KLHL29: variants seen among roughly 807,000 people sequenced by gnomAD.
KLHL29 encodes kelch-like protein 29.
KLHL29 carries 21 observed loss-of-function variants against 80.4 expected under a neutral mutation model. The observed-to-expected ratio is 0.26, with a 90% confidence interval of 0.19 to 0.38. The LOEUF (loss-of-function observed/expected upper bound fraction) is 0.38, where lower values mean the gene tolerates loss of function less well. Ranked by LOEUF, KLHL29 falls within the 10% of genes least tolerant of loss-of-function variation. The pLI is 1.00. For synonymous variants in KLHL29, 511 were observed against 526.8 expected (o/e 0.97, Z 0.41); for missense variants, 867 against 1,223.9 (o/e 0.71, Z 4.35).
chr2:23,569,881 C>T (rs367869588), intron 3 of KLHL29, among the ~76,000 whole-genome samples: 1 of 152,180 alleles, frequency 6.6e-6, no homozygotes, highest in Non-Finnish European at 1.5e-5. Flanking sequence ...ATGGTACGGC[C>T]AGCCAGACTG....
At chr2:23,661,473 C>T (rs1670405761) in intron 5 of KLHL29, among the ~76,000 whole-genome samples, 1 of 152,246 alleles carries the variant, frequency 6.6e-6, no homozygotes, top group Non-Finnish European at 1.5e-5. Context: ...CTGGCATAGC[C>T]TCCCCCTGCG....
intron 1 of KLHL29, among the ~76,000 whole-genome samples, chr2:23,467,310 A>T (rs1664379735): frequency 6.6e-6 from 1 of 152,226 alleles, no homozygotes; most frequent in South Asian, 2.1e-4. Flanking sequence ...AGACCAGGAA[A>T]ACAGAATTAG....
chr2:23,514,122 T>G (rs1247956270), intron 2 of KLHL29, among the ~76,000 whole-genome samples: 1 of 152,184 alleles, frequency 6.6e-6, no homozygotes, highest in Non-Finnish European at 1.5e-5. Flanking sequence ...CAGCCAGAAA[T>G]TGTATTCCTT....
intron 1 of KLHL29, among the ~76,000 whole-genome samples, chr2:23,464,628 C>T (rs1181906736): frequency 1.3e-5 from 2 of 152,192 alleles, no homozygotes; most frequent in African/African-American, 4.8e-5. Flanking sequence ...GAGAGGCACA[C>T]GTGGCCTCCC....
At chr2:23,561,847 A>G (rs983215086) in intron 2 of KLHL29, among the ~76,000 whole-genome samples, 12 of 152,144 alleles carry the variant, frequency 7.9e-5, no homozygotes, top group African/African-American at 2.7e-4. Flanking sequence ...CCATAATTAA[A>G]ATATGCACAT....
chr2:23,583,531 A>G (rs1446705411), intron 3 of KLHL29, among the ~76,000 whole-genome samples: 1 of 152,224 alleles, frequency 6.6e-6, no homozygotes, highest in Non-Finnish European at 1.5e-5. Flanking sequence ...GATTAAAGCG[A>G]GAAGCTCTAG....
chr2:23,624,141 G>A (rs1389689687), intron 3 of KLHL29, among the ~76,000 whole-genome samples: 1 of 152,134 alleles, frequency 6.6e-6, no homozygotes, highest in Non-Finnish European at 1.5e-5. Flanking sequence ...TTCCACATGA[G>A]CTGTGCATGG....
intron 3 of KLHL29, among the ~76,000 whole-genome samples, chr2:23,576,780 G>C (rs1667853972): frequency 6.6e-6 from 1 of 152,254 alleles, no homozygotes; most frequent in Non-Finnish European, 1.5e-5. Context: ...CCCAAGTCCA[G>C]ATATTCTGTG....
chr2:23,509,634 A>T (rs576247834), intron 2 of KLHL29, among the ~76,000 whole-genome samples: 2 of 152,312 alleles, frequency 1.3e-5, no homozygotes, highest in Non-Finnish European at 1.5e-5. Flanking sequence ...GTGATTTAAT[A>T]TGTGCACGGT....
At chr2:23,646,515 C>A (rs779205842) in intron 5 of KLHL29, among the ~76,000 whole-genome samples, 10 of 152,200 alleles carry the variant, frequency 6.6e-5, no homozygotes, top group Non-Finnish European at 1.5e-4. Flanking sequence ...AAGCAAAGCC[C>A]GTGTCAACCT....
intron 7 of KLHL29, 91 bp downstream of exon 7, chr2:23,691,967 G>C (rs915188641): frequency 7.8e-7 from 1 of 1,288,820 alleles, no homozygotes; most frequent in African/African-American, 1.5e-5. Flanking sequence ...GGGGAGGTCT[G>C]TGTGTGCACA....
chr2:23,508,039 C>T (rs1436259382), intron 2 of KLHL29, among the ~76,000 whole-genome samples: 1 of 152,212 alleles, frequency 6.6e-6, no homozygotes, highest in Admixed American at 6.5e-5. Context: ...CACGCATGCT[C>T]CTCATACGGT....
intron 5 of KLHL29, chr2:23,670,172 G>A (rs72794280): frequency 0.011 from 1,679 of 152,300 alleles, 11 homozygotes; most frequent in Middle Eastern, 0.017. Context: ...GAAAGGCGGC[G>A]GCTCCACCTA....
intron 3 of KLHL29, among the ~76,000 whole-genome samples, chr2:23,618,731 G>C (rs763103173): frequency 6.6e-6 from 1 of 152,152 alleles, no homozygotes; most frequent in Non-Finnish European, 1.5e-5. Flanking sequence ...TATGCTATTA[G>C]TTCCGTTTCT....
intron 1 of KLHL29, among the ~76,000 whole-genome samples, chr2:23,463,854 T>G (rs146893876): frequency 1.3e-5 from 2 of 152,354 alleles, no homozygotes; most frequent in East Asian, 3.8e-4. Context: ...TCAGCACTAT[T>G]GCTACTATTA....
At chr2:23,427,519 C>T (rs1356400548) in intron 1 of KLHL29, among the ~76,000 whole-genome samples, 1 of 152,108 alleles carries the variant, frequency 6.6e-6, no homozygotes, top group African/African-American at 2.4e-5. Flanking sequence ...TCTGCGTGGC[C>T]ACATCCGTGT....
chr2:23,512,843 C>T (rs1001247033), intron 2 of KLHL29, among the ~76,000 whole-genome samples: 1 of 152,250 alleles, frequency 6.6e-6, no homozygotes, highest in African/African-American at 2.4e-5. Context: ...CTTTTCCAGG[C>T]CCTGGAGATT....
At chr2:23,558,844 A>G (rs1667366570) in intron 2 of KLHL29, among the ~76,000 whole-genome samples, 1 of 152,266 alleles carries the variant, frequency 6.6e-6, no homozygotes, top group Non-Finnish European at 1.5e-5. Context: ...AAGAAAAAAC[A>G]AGCATTAGTT....
intron 1 of KLHL29, among the ~76,000 whole-genome samples, chr2:23,463,673 C>G (rs1477552221): frequency 6.6e-6 from 1 of 152,174 alleles, no homozygotes; most frequent in Non-Finnish European, 1.5e-5. Flanking sequence ...TGACCAACAT[C>G]CTTCACCACT....
Sources: allele counts gnomAD v4.1 joint callset (sites outside exome capture counted in the v4.1 genomes callset), GRCh38; gene constraint gnomAD v4.1.1; transcripts MANE v1.5; gene names NCBI Gene and HGNC (gene_info 2026-07-23, HGNC 2026-07-21).